GRAP2: variants seen among roughly 807,000 people sequenced by gnomAD.
The protein encoded by GRAP2 is GRB2 related adaptor protein 2.
In GRAP2, 31 loss-of-function variants were observed where a neutral mutation model predicts 43.5. The observed-to-expected ratio is 0.71, with a 90% CI of 0.54 to 0.96. The LOEUF (loss-of-function observed/expected upper bound fraction) is 0.96, where lower values mean the gene tolerates loss of function less well. GRAP2 is among the 40% of genes least tolerant of loss of function. GRAP2 has a pLI of 0.00. For synonymous variants in GRAP2, 156 were observed against 164.8 expected (o/e 0.95, Z 0.41); for missense variants, 371 against 424.4 (o/e 0.87, Z 1.11).
intron 1 of GRAP2, among the ~76,000 whole-genome samples, chr22:39,910,926 G>A (rs545435439): frequency 1.1e-4 from 16 of 152,174 alleles, no homozygotes; most frequent in Non-Finnish European, 2.1e-4. Context: ...GCCTCTAAAG[G>A]GCCAGAACTT....
intron 1 of GRAP2, among the ~76,000 whole-genome samples, chr22:39,926,042 C>T (rs2066693942): frequency 6.6e-6 from 1 of 152,182 alleles, no homozygotes; most frequent in Non-Finnish European, 1.5e-5. Context: ...TTGCAATTGT[C>T]TATTTATATG....
chr22:39,901,541 A>G (rs1241892794), intron 1 of GRAP2, among the ~76,000 whole-genome samples: 1 of 152,218 alleles, frequency 6.6e-6, no homozygotes, highest in Admixed American at 6.5e-5. Context: ...CTGGGAGAAC[A>G]CTTGTTCCTT....
upstream of GRAP2, among the ~76,000 whole-genome samples, chr22:39,899,364 C>T (rs1037476034): frequency 3.3e-5 from 5 of 152,156 alleles, no homozygotes. Context: ...GCTCCCACTC[C>T]CCAACCATAG....
intron 4 of GRAP2, among the ~76,000 whole-genome samples, chr22:39,965,256 C>A (rs1428213872): frequency 3.3e-5 from 5 of 152,086 alleles, no homozygotes; most frequent in Non-Finnish European, 5.9e-5. Context: ...GCCTGTAATC[C>A]CAGCTCCTCA....
rs570068323 is a variant in GRAP2 at position 39,953,086 on chromosome 22, T to C, written c.79-2733T>C. Among the ~76,000 whole-genome samples the C allele has an allele frequency of 2.6e-5, 4 of 152,272 alleles. No individual in the cohort carries two copies. In the South Asian group the frequency reaches 8.3e-4, roughly 32 times the overall value. On this transcript the variant is annotated intron_variant, in intron 2 of 7. Transcript: ENST00000344138. The stretch of plus-strand genomic sequence containing the variant: ...ATCTCCACTCAAGCACTTAGTTCTT[T>C]CCATTATCTTCCCATCTTCTTTTCT...
At chr22:39,968,334 G>C in intron 6 of GRAP2, 62 bp downstream of exon 6, 1 of 1,564,948 alleles carries the variant, frequency 6.4e-7, no homozygotes, top group Non-Finnish European at 8.7e-7. Context: ...TCCCCTCCAG[G>C]CCTGGCCCAG....
intron 1 of GRAP2, among the ~76,000 whole-genome samples, chr22:39,937,276 C>A (rs2145617359): frequency 6.6e-6 from 1 of 152,296 alleles, no homozygotes; most frequent in Non-Finnish European, 1.5e-5. Flanking sequence ...AAGGTAGCAT[C>A]ACAGTGACTG....
rs542576815 is a variant in GRAP2 at position 39,962,173 on chromosome 22, A to G, written c.290+1999A>G. The stretch of plus-strand genomic sequence containing the variant: ...CGCCGTGGCTCATGCCTCTAATCCC[A>G]GCACTTTGGGAGGCTGAGTTGGGAG... On this transcript the variant is annotated intron_variant, in intron 4 of 7. Transcript: ENST00000344138. Among the ~76,000 whole-genome samples the G allele has an allele frequency of 1.1e-3, 172 of 152,354 alleles. 1 individual carries two copies. Among genetic ancestry groups the G allele is most frequent in the African/African-American group, 2.9e-3 (121 of 41,594 alleles).
chr22:39,931,626 G>A (rs951858607), intron 1 of GRAP2, among the ~76,000 whole-genome samples: 3 of 152,202 alleles, frequency 2.0e-5, no homozygotes, highest in Non-Finnish European at 4.4e-5. Flanking sequence ...TTGCTGTGGT[G>A]CAGATGCCAA....
intron 1 of GRAP2, among the ~76,000 whole-genome samples, chr22:39,919,630 A>AC (rs1876472487): frequency 6.6e-6 from 1 of 152,140 alleles, no homozygotes; most frequent in African/African-American, 2.4e-5. Context: ...TAAATCTAAC[A>AC]CCCAGTTTTA....
intron 1 of GRAP2, among the ~76,000 whole-genome samples, chr22:39,904,655 A>T (rs1454202751): frequency 6.6e-6 from 1 of 152,220 alleles, no homozygotes; most frequent in Admixed American, 6.5e-5. Context: ...GCCTAAGAGG[A>T]TAAACAGTAA....
At chr22:39,965,719 G>A (rs777596274) in intron 4 of GRAP2, among the ~76,000 whole-genome samples, 47 of 152,318 alleles carry the variant, frequency 3.1e-4, no homozygotes, top group Non-Finnish European at 5.4e-4. Flanking sequence ...CTTGTAAAAG[G>A]TTAGTTCCAG....
At chr22:39,901,614 T>G (rs1163325836) in intron 1 of GRAP2, among the ~76,000 whole-genome samples, 1 of 152,214 alleles carries the variant, frequency 6.6e-6, no homozygotes, top group Non-Finnish European at 1.5e-5. Flanking sequence ...GGAAAGATTT[T>G]CGACCTTGGG....
the GRAP2 span, among the ~76,000 whole-genome samples, chr22:39,895,624 G>A: frequency 6.6e-6 from 1 of 152,132 alleles, no homozygotes; most frequent in African/African-American, 2.4e-5. Context: ...CTGAGAAGTA[G>A]GCGTTATTAT....
chr22:39,897,723 T>C (rs779383141), upstream of GRAP2, among the ~76,000 whole-genome samples: 36 of 152,124 alleles, frequency 2.4e-4, no homozygotes, highest in Admixed American at 1.4e-3. Flanking sequence ...TTCTCCATGT[T>C]GATCAGGATG....
In GRAP2 at chr22:39,968,032, T is replaced by C; in HGVS notation, c.460-10T>C. ...GGATGCATCTGCAGCATCTCTGTTC[T>C]TTCTCCCAGGGTCACCGGGGCAACA... On this transcript the variant is annotated splice_polypyrimidine_tract_variant and intron_variant, in intron 5 of 7. Coordinates refer to ENST00000344138, the MANE Select transcript of GRAP2 (RefSeq NM_004810.4). 6.2e-7 allele frequency: 1 copy of C among 1,610,114 alleles called. No homozygotes were observed. The highest frequency in any genetic ancestry group is 8.5e-7 in the Non-Finnish European group (1 of 1,177,268).
chr22:39,924,379 A>G (rs149805180), intron 1 of GRAP2, among the ~76,000 whole-genome samples: 82 of 152,316 alleles, frequency 5.4e-4, no homozygotes, highest in African/African-American at 1.9e-3. Flanking sequence ...CGTACTTTCC[A>G]TGAGTTTTAC....
intron 1 of GRAP2, among the ~76,000 whole-genome samples, chr22:39,904,497 T>C (rs1355761824): frequency 6.6e-6 from 1 of 152,262 alleles, no homozygotes; most frequent in African/African-American, 2.4e-5. Context: ...CAACAATTGC[T>C]AACTCTTTGC....
chr22:39,958,818 T>G lies in GRAP2; in HGVS notation c.171-1237T>G, dbSNP rs2067085621. Among the ~76,000 whole-genome samples the G allele has an allele frequency of 2.6e-5, 4 of 152,218 alleles. No individual in the cohort carries two copies. In the South Asian group the frequency reaches 8.3e-4, roughly 32 times the overall value. ...GTGGTGTGTGTGGTGGCCTCTTGTTTAGCCCTGTAGAATTGTGTGGCAAAT... is the reference window on the plus strand; with the variant it reads ...GTGGTGTGTGTGGTGGCCTCTTGTTGAGCCCTGTAGAATTGTGTGGCAAAT... On this transcript the variant is annotated intron_variant, in intron 3 of 7. Coordinates refer to ENST00000344138, the MANE Select transcript of GRAP2 (RefSeq NM_004810.4).
Sources: gnomAD v4.1 joint callset for allele counts (sites outside exome capture counted in the v4.1 genomes callset) on GRCh38, gnomAD v4.1.1 for gene constraint, MANE v1.5 for transcripts, NCBI Gene and HGNC (gene_info 2026-07-23, HGNC 2026-07-21) for gene names.